Variants in SAFB2 observed in about 807,000 individuals in gnomAD.
SAFB2 encodes scaffold attachment factor B2.
A neutral mutation model predicts 100.6 loss-of-function variants in SAFB2; 32 were observed. The observed-to-expected ratio is 0.32, with a 90% CI of 0.24 to 0.43. The LOEUF is 0.43. SAFB2 is among the 20% of genes least tolerant of loss of function. The pLI, the probability that SAFB2 is intolerant of heterozygous loss-of-function variation, is 1.00. For missense variants in SAFB2, 1,185 were observed against 1,163.4 expected, an observed-to-expected ratio of 1.02 and a Z score of -0.27; for synonymous variants, 500 against 439.4, an observed-to-expected ratio of 1.14 and a Z score of -1.72.
Position 5,587,957 on chromosome 19 carries a change from T to A in SAFB2, c.2549A>T (p.His850Leu). 1 of 1,612,816 alleles carries A rather than the reference T, an allele frequency of 6.2e-7. No individual in the cohort carries two copies. Among genetic ancestry groups the A allele is most frequent in the African/African-American group, 1.3e-5 (1 of 75,046 alleles). The change falls in exon 19 of 21, where the codon CAC (histidine) becomes CTC (leucine). Residue 850 changes from histidine (H) to leucine (L), a missense_variant. By Grantham distance (99) the His-to-Leu change is moderately conservative. Around this residue, in one of 3 missense-constraint regions of SAFB2, gnomAD observed 740 missense variants for 687.1 expected, o/e 1.08. Transcript: ENST00000252542. This position sits in a 1 kb window ranked among gnomAD's most constrained non-coding sequence, Gnocchi z 4.9. The part of the protein sequence containing the change: ...PPRGGRDWGE[H>L]NQRLEEHQAR... ...CTGGTGCTCCTCTAGCCGCTGGTTG[T>A]GCTCTCCCCAGTCACGGCCACCCCT...
chr19:5,618,035 C>T (rs1013922184), intron 2 of SAFB2, among the ~76,000 whole-genome samples: 4 of 152,140 alleles, frequency 2.6e-5, no homozygotes, highest in South Asian at 4.2e-4. Context: ...TCTGAATTAC[C>T]GGTGAGAATG....
intron 13 of SAFB2, among the ~76,000 whole-genome samples, chr19:5,597,644 TCTC>T (rs1345311354): frequency 2.0e-5 from 3 of 152,090 alleles, no homozygotes; most frequent in African/African-American, 7.2e-5. Flanking sequence ...CCGTGCTGCA[TCTC>T]CTCAAGCTGA....
intron 2 of SAFB2, among the ~76,000 whole-genome samples, chr19:5,618,275 T>C (rs570752549): frequency 1.3e-5 from 2 of 152,218 alleles, no homozygotes; most frequent in South Asian, 4.1e-4. Context: ...GGCAGGAGAA[T>C]GGCCTGAAGC....
Position 5,598,853 on chromosome 19 carries a change from C to T in SAFB2, c.1722G>A (p.Met574Ile). The T allele has an allele frequency of 1.2e-6, 2 of 1,614,124 alleles. No homozygotes were observed. Among genetic ancestry groups the T allele is most frequent in the Non-Finnish European group, 1.7e-6 (2 of 1,180,028 alleles). The change falls in exon 13 of 21, where the codon ATG becomes ATA. Residue 574 changes from methionine to isoleucine, a missense_variant. By Grantham distance (10) the Met-to-Ile change is conservative (BLOSUM62 1). Coordinates refer to ENST00000252542, the MANE Select transcript of SAFB2 (RefSeq NM_014649.3). ...TGACGGGCTCTCCTTTCGATTTATC[C>T]ATCACGACCGTCCGCTCCATTCCTC... is the stretch of plus-strand genomic sequence containing the variant. Reference protein sequence around the residue: ...GSRGMERTVVMDKSKGEPVIS... With the variant: ...GSRGMERTVVIDKSKGEPVIS...
intron 2 of SAFB2, among the ~76,000 whole-genome samples, chr19:5,618,982 G>A (rs2053088931): frequency 1.3e-5 from 2 of 152,142 alleles, no homozygotes; most frequent in Non-Finnish European, 2.9e-5. Flanking sequence ...TTTATAATGA[G>A]GACACTTTTC....
intron 2 of SAFB2, among the ~76,000 whole-genome samples, chr19:5,619,649 G>A (rs1160497081): frequency 6.6e-6 from 1 of 152,114 alleles, no homozygotes; most frequent in Admixed American, 6.5e-5. Flanking sequence ...AGACCAGCCT[G>A]GCCAACATGG....
In SAFB2 at chr19:5,622,623, G is replaced by T; in HGVS notation, c.93C>A (p.Ser31Arg). ...CCCGCAGATCGATCACCCGCAGCTC[G>T]CTGAGCCGCCTCGTCCCAGTCTCCG... ...GVAETGTRRLSELRVIDLRAE... is the reference protein window; with the variant it reads ...GVAETGTRRLRELRVIDLRAE... The change falls in exon 1 of 21, where the codon AGC (serine) becomes AGA (arginine). Residue 31 changes from serine (S) to arginine (R), a missense_variant. Physicochemically the swap from Ser to Arg is moderately radical, Grantham distance 110 (BLOSUM62 -1). Transcript: ENST00000252542. 6.2e-7 allele frequency: 1 copy of T among 1,612,154 alleles called. No homozygotes were observed. The highest frequency in any genetic ancestry group is 8.5e-7 in the Non-Finnish European group (1 of 1,179,532).
chr19:5,608,378 A>G (rs1171991190), intron 9 of SAFB2, among the ~76,000 whole-genome samples: 1 of 152,218 alleles, frequency 6.6e-6, no homozygotes, highest in Non-Finnish European at 1.5e-5. Context: ...CTGTGATGAC[A>G]GTGACCACGT....
At chr19:5,592,070 A>G (rs1281644846) in intron 16 of SAFB2, among the ~76,000 whole-genome samples, 1 of 152,180 alleles carries the variant, frequency 6.6e-6, no homozygotes, top group Non-Finnish European at 1.5e-5. Context: ...GAGGCCTCCA[A>G]TGATCCCTCA....
At chr19:5,615,970 G>A (rs1041928366) in intron 4 of SAFB2, 162 bp downstream of exon 4, 1 of 635,152 alleles carries the variant, frequency 1.6e-6, no homozygotes, top group Non-Finnish European at 2.7e-6. Context: ...GTAAATCCCT[G>A]AGCTACACAG....
Position 5,594,035 on chromosome 19 carries a change from T to C in SAFB2, c.2063A>G (p.Glu688Gly). 1 of 1,572,774 alleles carries C rather than the reference T, an allele frequency of 6.4e-7. No homozygotes were observed. Among genetic ancestry groups the C allele is most frequent in the Non-Finnish European group, 8.6e-7 (1 of 1,166,206 alleles). ...ERERMERERL[E>G]RERMRVERER... ...ACGCTCCACGCGCATGCGCTCGCGC[T>C]CCAGCCGCTCCCGCTCCATGCGCTC... The change falls in exon 15 of 21, where the codon GAG becomes GGG. Residue 688 changes from glutamate (E) to glycine (G), a missense_variant. By Grantham distance (98) the Glu-to-Gly change is moderately conservative. Coordinates refer to ENST00000252542, the MANE Select transcript of SAFB2 (RefSeq NM_014649.3).
chr19:5,618,066 C>T (rs1247382197), intron 2 of SAFB2, among the ~76,000 whole-genome samples: 1 of 152,152 alleles, frequency 6.6e-6, no homozygotes, highest in Non-Finnish European at 1.5e-5. Flanking sequence ...ATGCTCCGAG[C>T]CTGAGAGCTT....
At chr19:5,614,059 T>C (rs909238136) in intron 4 of SAFB2, among the ~76,000 whole-genome samples, 5 of 152,202 alleles carry the variant, frequency 3.3e-5, no homozygotes, top group Admixed American at 6.5e-5. Flanking sequence ...GTTCAAGCAA[T>C]TCTCCTGCCT....
intron 9 of SAFB2, among the ~76,000 whole-genome samples, chr19:5,608,223 G>A (rs749610337): frequency 6.6e-6 from 1 of 152,136 alleles, no homozygotes; most frequent in East Asian, 1.9e-4. Context: ...CTTCTTCAGC[G>A]AGCTCTGCTG....
Position 5,587,793 on chromosome 19 carries a change from C to G in SAFB2, c.2639-26G>C. 6.4e-7 allele frequency: 1 copy of G among 1,554,974 alleles called. No homozygotes were observed. Among genetic ancestry groups the G allele is most frequent in the Non-Finnish European group, 8.7e-7 (1 of 1,148,886 alleles). The stretch of plus-strand genomic sequence containing the variant: ...CTAGAAGAGAAGAAGGGTCTGCAAA[C>G]ACTCCGTTCCTGGGGAAGCCCCTGG... On this transcript the variant is annotated intron_variant, in intron 19 of 20. Coordinates refer to ENST00000252542, the MANE Select transcript of SAFB2 (RefSeq NM_014649.3). This position sits in a 1 kb window ranked among gnomAD's most constrained non-coding sequence, Gnocchi z 4.9.
chr19:5,615,958 G>A (rs1437126281), intron 4 of SAFB2, 174 bp downstream of exon 4: 3 of 611,884 alleles, frequency 4.9e-6, no homozygotes, highest in Non-Finnish European at 5.7e-6. Flanking sequence ...AGCTATCTAT[G>A]AGTAAATCCC....
intron 14 of SAFB2, 40 bp from the exon 15 acceptor site, chr19:5,594,218 A>G: frequency 6.6e-7 from 1 of 1,522,734 alleles, no homozygotes; most frequent in Non-Finnish European, 8.7e-7. Flanking sequence ...TCCCTGCGTG[A>G]GCCTCCAAGG....
chr19:5,615,218 G>A (rs899348520), intron 4 of SAFB2, among the ~76,000 whole-genome samples: 1 of 152,190 alleles, frequency 6.6e-6, no homozygotes, highest in Non-Finnish European at 1.5e-5. Flanking sequence ...AGCTGGGCGT[G>A]GTGGCGCATG....
At chr19:5,604,289 C>T (rs2052725889) in intron 11 of SAFB2, among the ~76,000 whole-genome samples, 1 of 152,182 alleles carries the variant, frequency 6.6e-6, no homozygotes, top group Non-Finnish European at 1.5e-5. Context: ...GCAGTAGTCC[C>T]AGTTACTTGG....
Sources: allele counts gnomAD v4.1 joint callset (sites outside exome capture counted in the v4.1 genomes callset), GRCh38; gene constraint gnomAD v4.1.1; regional missense constraint gnomAD v4.1.1; non-coding constraint Gnocchi (gnomAD v3.1); transcripts MANE v1.5; gene names NCBI Gene and HGNC (gene_info 2026-07-23, HGNC 2026-07-21).